SPICE1: variants seen among roughly 807,000 people sequenced by gnomAD.
SPICE1 encodes the protein spindle and centriole associated protein 1.
Under a neutral mutation model 102.7 loss-of-function variants are expected in SPICE1, and 75 were observed. The observed-to-expected ratio is 0.73, with a 90% CI of 0.61 to 0.88. The LOEUF (loss-of-function observed/expected upper bound fraction) is 0.88, where lower values mean the gene tolerates loss of function less well. Ranked by LOEUF, SPICE1 falls within the 40% of genes least tolerant of loss-of-function variation. The probability of loss-of-function intolerance (pLI) is 0.00; values close to 1 mark genes in which losing one functional copy is unlikely to be tolerated. For missense variants in SPICE1, 979 were observed against 1,020.1 expected, an observed-to-expected ratio of 0.96 and a Z score of 0.55; for synonymous variants, 308 against 350.3, an observed-to-expected ratio of 0.88 and a Z score of 1.35.
Position 113,453,449 on chromosome 3 carries a change from C to G in SPICE1, c.2142+17G>C. 1 of 1,580,204 alleles carries G rather than the reference C, an allele frequency of 6.3e-7. No individual in the cohort carries two copies. Among genetic ancestry groups the G allele is most frequent in the Non-Finnish European group, 8.6e-7 (1 of 1,163,298 alleles). On this transcript the variant is annotated intron_variant, in intron 14 of 17. Transcript: ENST00000295872. Reference sequence around the variant, plus strand: ...AAATTCCTATATGTCCCTAATCAATCCTTAAATGGTACTCACAGAAGTCAT... The same window carrying G: ...AAATTCCTATATGTCCCTAATCAATGCTTAAATGGTACTCACAGAAGTCAT...
intron 14 of SPICE1, among the ~76,000 whole-genome samples, chr3:113,452,609 A>C (rs1935681080): frequency 6.6e-6 from 1 of 151,414 alleles, no homozygotes; most frequent in Non-Finnish European, 1.5e-5. Flanking sequence ...GCTTGAACCC[A>C]GGAGGTGGCG....
At position 113,499,600 on chromosome 3, in the gene SPICE1, G is replaced by C. The variant is rs562678831; in HGVS notation, c.148-18C>G. The stretch of plus-strand genomic sequence containing the variant: ...CGGCGTACCTATACAGAAGAGAAAA[G>C]TACATAAAGGAATGTTTCAGACACA... On this transcript the variant is annotated intron_variant, in intron 3 of 17. Transcript: ENST00000295872. The C allele has an allele frequency of 5.4e-5, 85 of 1,563,210 alleles. 2 individuals are homozygous for C. In the South Asian group the frequency reaches 1.0e-3, roughly 19 times the overall value.
chr3:113,444,163 T>C lies in SPICE1; in HGVS notation c.*1144A>G, dbSNP rs543677189. ...GCAGAGATCATTCAAAAAACAAGTT[T>C]AAAATAGAAATAAACATCTCAGAAC... On this transcript the variant is annotated 3_prime_UTR_variant, in exon 18 of 18. Coordinates refer to ENST00000295872, the MANE Select transcript of SPICE1 (RefSeq NM_144718.4). 4 of 151,748 alleles carry C rather than the reference T, an allele frequency of 2.6e-5. No homozygotes were observed. Among genetic ancestry groups the C allele is most frequent in the African/African-American group, 9.7e-5 (4 of 41,288 alleles). The allele number at this position is 151,748 out of a possible 1,614,324, so 9.4% of individuals were successfully genotyped here. A position where few individuals can be genotyped will look rare whatever the true frequency, so the allele number is the denominator to read the frequency against.
intron 12 of SPICE1, chr3:113,459,976 C>T: frequency 2.0e-6 from 2 of 984,892 alleles, no homozygotes; most frequent in Non-Finnish European, 2.4e-6. Flanking sequence ...AAATTTTGGT[C>T]AGCCACTTCT....
chr3:113,448,287 CT>C (rs79613651), intron 15 of SPICE1, 147 bp from the exon 16 acceptor site: 92,096 of 458,814 alleles, frequency 0.2, 34 homozygotes, highest in Middle Eastern at 0.27. Context: ...ACTTGAAAGA[CT>C]TTTTTTTTTT....
At chr3:113,446,284 T>C (rs1291980785) in intron 17 of SPICE1, among the ~76,000 whole-genome samples, 1 of 152,026 alleles carries the variant, frequency 6.6e-6, no homozygotes, top group African/African-American at 2.4e-5. Context: ...CTACAACCCA[T>C]TCAAGGCACA....
chr3:113,485,104 G>A (rs1002655906), intron 7 of SPICE1, among the ~76,000 whole-genome samples: 4 of 151,954 alleles, frequency 2.6e-5, no homozygotes, highest in Admixed American at 1.3e-4. Flanking sequence ...ACCCCAGCAG[G>A]GTCCTGGGTT....
chr3:113,513,431 C>T (rs1937257838), intron 1 of SPICE1, among the ~76,000 whole-genome samples: 1 of 151,964 alleles, frequency 6.6e-6, no homozygotes, highest in Non-Finnish European at 1.5e-5. Context: ...CAAACAAAAA[C>T]AAAACAAAAA....
rs745926804 is a variant in SPICE1, at chr3:113,468,168, G to C, written c.1126C>G (p.Leu376Val). 5 of 1,614,034 alleles carry C rather than the reference G, an allele frequency of 3.1e-6. No homozygotes were observed. In the Admixed American group the frequency reaches 5.0e-5, roughly 16 times the overall value. ...TTAAGGTACCGAACCAGGCGACAGA[G>C]GGAGCTCACCAGCGACAAAGTGAAG... Reference protein sequence around the residue: ...TGFTLSLVSSLCRLVRYLKES... With the variant: ...TGFTLSLVSSVCRLVRYLKES... Residue 376 changes from leucine (L) to valine (V), a missense_variant, in exon 10 of 18, where the codon CTC (leucine) becomes GTC (valine). By Grantham distance (32) the Leu-to-Val change is conservative (BLOSUM62 1). Transcript: ENST00000295872.
intron 7 of SPICE1, among the ~76,000 whole-genome samples, chr3:113,476,643 T>A (rs982739086): frequency 6.7e-6 from 1 of 149,802 alleles, no homozygotes; most frequent in African/African-American, 2.5e-5. Flanking sequence ...TATCTACAAC[T>A]ATCTGATCTT....
intron 16 of SPICE1, among the ~76,000 whole-genome samples, chr3:113,447,297 A>AC (rs1211977540): frequency 1.3e-5 from 2 of 151,962 alleles, no homozygotes; most frequent in Non-Finnish European, 2.9e-5. Context: ...TATGCCCCTT[A>AC]CCCCCCACCT....
In SPICE1 at chr3:113,453,786, G is replaced by T; in HGVS notation, c.1822C>A (p.His608Asn). 1 of 1,614,072 alleles carries T rather than the reference G, an allele frequency of 6.2e-7. No individual in the cohort carries two copies. The highest frequency in any genetic ancestry group is 8.5e-7 in the Non-Finnish European group (1 of 1,180,002). The change falls in exon 14 of 18, where the codon CAC becomes AAC. Residue 608 changes from histidine to asparagine, a missense_variant. Transcript: ENST00000295872. ...RLFTQRWRVS[H>N]MGEDLENKTQ... is the part of the protein sequence containing the mutation. ...TTGTTCTCCAAATCTTCTCCCATGT[G>T]AGAGACTCTCCATCTCTGAGTGAAG...
intron 12 of SPICE1, chr3:113,459,868 C>T (rs1300629077): frequency 7.2e-6 from 7 of 978,740 alleles, no homozygotes; most frequent in Non-Finnish European, 6.0e-6. Context: ...GGTGACAGAG[C>T]GAAACTCCAT....
chr3:113,472,846 C>T (rs1936240427), intron 7 of SPICE1, among the ~76,000 whole-genome samples: 1 of 152,126 alleles, frequency 6.6e-6, no homozygotes, highest in Admixed American at 6.5e-5. Context: ...AGAAACAGAG[C>T]AGAAAAACTG....
In SPICE1 at chr3:113,465,739, C is replaced by G; in HGVS notation, c.1201G>C (p.Glu401Gln). The change falls in exon 11 of 18, where the codon GAA becomes CAA. Residue 401 changes from glutamate (E) to glutamine (Q), a missense_variant. By Grantham distance (29) the Glu-to-Gln change is conservative. Transcript: ENST00000295872. ...RKEVETRQQL[E>Q]QVLGDHRELI... ...TCTCGATGATCACCTAATACTTGTTCCAGTTGTTGCCTTGTCTCTACTTCT... is the reference window on the plus strand; with the variant it reads ...TCTCGATGATCACCTAATACTTGTTGCAGTTGTTGCCTTGTCTCTACTTCT... 1 of 1,613,800 alleles carries G rather than the reference C, an allele frequency of 6.2e-7. No homozygotes were observed. The highest frequency in any genetic ancestry group is 8.5e-7 in the Non-Finnish European group (1 of 1,179,878).
At chr3:113,461,427 G>A (rs920630727) in intron 11 of SPICE1, among the ~76,000 whole-genome samples, 2 of 151,798 alleles carry the variant, frequency 1.3e-5, no homozygotes, top group Non-Finnish European at 2.9e-5. Flanking sequence ...CTGGCACAGA[G>A]CTGAATGTGT....
At chr3:113,468,434 AG>A (rs1400310488) in intron 9 of SPICE1, 30 bp from the exon 10 acceptor site, 2 of 1,592,382 alleles carry the variant, frequency 1.3e-6, no homozygotes, top group South Asian at 2.3e-5. Context: ...TTCTATTTTA[AG>A]ACCAGGAAAA....
At chr3:113,511,550 G>A (rs1937221229) in intron 1 of SPICE1, among the ~76,000 whole-genome samples, 1 of 152,138 alleles carries the variant, frequency 6.6e-6, no homozygotes, top group South Asian at 2.1e-4. Context: ...ATAAGTGGGT[G>A]CTGAACAATG....
intron 4 of SPICE1, 106 bp from the exon 5 acceptor site, chr3:113,494,248 C>T: frequency 5.9e-6 from 4 of 674,902 alleles, no homozygotes; most frequent in Middle Eastern, 6.0e-4. Context: ...TAACCATAGG[C>T]TACCTTCCTA....
Sources: gnomAD v4.1 joint callset for allele counts (sites outside exome capture counted in the v4.1 genomes callset) on GRCh38, gnomAD v4.1.1 for gene constraint, MANE v1.5 for transcripts, NCBI Gene and HGNC (gene_info 2026-07-23, HGNC 2026-07-21) for gene names.